ANK3: variants seen among roughly 807,000 people sequenced by gnomAD.
The protein encoded by ANK3 is ankyrin-3.
ANK3 carries 57 observed loss-of-function variants against 370.9 expected under a neutral mutation model. The observed-to-expected ratio is 0.15, with a 90% CI of 0.12 to 0.19. The LOEUF is 0.19. Among genes scored for constraint, ANK3 ranks in the 10% least tolerant of loss-of-function variants. The pLI, the probability that ANK3 is intolerant of heterozygous loss-of-function variation, is 1.00. For missense variants in ANK3, 4,439 were observed against 5,302.1 expected (o/e 0.84, Z 5.06); for synonymous variants, 1,929 against 1,946.3 (o/e 0.99, Z 0.23).
At chr10:60,255,654 T>C (rs572488922) in intron 7 of ANK3, among the ~76,000 whole-genome samples, 2 of 148,962 alleles carry the variant, frequency 1.3e-5, no homozygotes, top group Admixed American at 1.4e-4. Context: ...ATTATGACAT[T>C]GAAGGGAAGG....
chr10:60,695,462 C>A (rs2079432625), intron 1 of ANK3, among the ~76,000 whole-genome samples: 1 of 152,050 alleles, frequency 6.6e-6, no homozygotes, highest in Non-Finnish European at 1.5e-5. Context: ...TTTTCAGCAC[C>A]ACACCACACC....
chr10:60,093,833 G>A lies in ANK3; in HGVS notation c.3329-5475C>T, dbSNP rs74773655. On this transcript the variant is annotated intron_variant, in intron 28 of 43. Transcript: ENST00000280772. The stretch of plus-strand genomic sequence containing the variant: ...AACTATATAAACAGAGAAGCTCCGA[G>A]GAGAAGCGATCAGTACCCTCCACAT... Among the ~76,000 whole-genome samples, 61 of 152,276 alleles carry A rather than the reference G, an allele frequency of 4.0e-4. No homozygotes were observed. The East Asian group carries it at 0.011, about 27-fold the overall frequency.
chr10:60,670,643 G>A (rs1168532117), intron 1 of ANK3, among the ~76,000 whole-genome samples: 1 of 152,072 alleles, frequency 6.6e-6, no homozygotes, highest in Non-Finnish European at 1.5e-5. Flanking sequence ...CCCCTGGAGT[G>A]GCTTCCCGTT....
At chr10:60,347,355 G>C (rs984525615) in intron 1 of ANK3, among the ~76,000 whole-genome samples, 2 of 151,726 alleles carry the variant, frequency 1.3e-5, no homozygotes, top group Non-Finnish European at 2.9e-5. Context: ...AAACTACGTA[G>C]ATAGTAAGGT....
chr10:60,711,011 T>C (rs1295479153), intron 1 of ANK3, among the ~76,000 whole-genome samples: 1 of 152,216 alleles, frequency 6.6e-6, no homozygotes, highest in African/African-American at 2.4e-5. Flanking sequence ...CCAATTTAAA[T>C]GCTAATGTCT....
rs1565258508 is a variant in ANK3 at position 60,139,097 on chromosome 10, T to C, written c.2615-10A>G. 7 of 1,613,028 alleles carry C rather than the reference T, an allele frequency of 4.3e-6. No individual in the cohort carries two copies. The South Asian group carries it at 7.7e-5, about 18-fold the overall frequency. Reference sequence around the variant, plus strand: ...GTCATTGCATCTTCACCTGCAGATGTAGAGAGTAAGCCCACATCAAAAGCT... The same window carrying C: ...GTCATTGCATCTTCACCTGCAGATGCAGAGAGTAAGCCCACATCAAAAGCT... On this transcript the variant is annotated splice_polypyrimidine_tract_variant and intron_variant, in intron 23 of 43. Transcript: ENST00000280772.
chr10:60,138,443 T>C (rs2094442706), intron 24 of ANK3: 2 of 369,624 alleles, frequency 5.4e-6, no homozygotes, highest in East Asian at 3.9e-5. Flanking sequence ...ACATGTCCCT[T>C]GTAAACAAAA....
At chr10:60,114,399 A>G in intron 25 of ANK3, 68 bp from the exon 26 acceptor site, 2 of 783,014 alleles carry the variant, frequency 2.6e-6, no homozygotes, top group Non-Finnish European at 2.0e-6. Flanking sequence ...CTACACATAT[A>G]AAATATATTT....
intron 1 of ANK3, among the ~76,000 whole-genome samples, chr10:60,377,333 A>C (rs1385923207): frequency 6.6e-6 from 1 of 152,256 alleles, no homozygotes; most frequent in Non-Finnish European, 1.5e-5. Context: ...TACTAGAAGA[A>C]AACAAAATGC....
chr10:60,320,542 T>G (rs2048403192), intron 1 of ANK3, among the ~76,000 whole-genome samples: 1 of 152,142 alleles, frequency 6.6e-6, no homozygotes, highest in Admixed American at 6.5e-5. Flanking sequence ...AAGGTTGCAG[T>G]GAGCTGAGAT....
intron 1 of ANK3, among the ~76,000 whole-genome samples, chr10:60,370,360 T>C (rs917833422): frequency 1.3e-5 from 2 of 152,236 alleles, no homozygotes; most frequent in African/African-American, 2.4e-5. Flanking sequence ...AAATGGATTA[T>C]ATTAATCATG....
At chr10:60,633,694 C>G (rs2078514735) in intron 1 of ANK3, among the ~76,000 whole-genome samples, 1 of 152,078 alleles carries the variant, frequency 6.6e-6, no homozygotes, top group Non-Finnish European at 1.5e-5. Context: ...TAAGGGTATT[C>G]CACCTCTTTG....
chr10:60,135,289 C>A (rs1384865115), intron 24 of ANK3, among the ~76,000 whole-genome samples: 1 of 152,198 alleles, frequency 6.6e-6, no homozygotes, highest in Non-Finnish European at 1.5e-5. Flanking sequence ...TGAGGAGCTT[C>A]CACGAGATCA....
intron 14 of ANK3, among the ~76,000 whole-genome samples, chr10:60,197,258 C>G (rs1001711076): frequency 4.6e-5 from 7 of 152,128 alleles, no homozygotes; most frequent in African/African-American, 1.7e-4. Context: ...TGTAGGTGAA[C>G]TGAATAATGA....
chr10:60,126,895 A>G, intron 25 of ANK3, among the ~76,000 whole-genome samples: 1 of 152,194 alleles, frequency 6.6e-6, no homozygotes, highest in East Asian at 1.9e-4. Flanking sequence ...ACCAGGTTTC[A>G]TTACCACCAA....
chr10:60,697,145 C>T (rs982569912), intron 1 of ANK3, among the ~76,000 whole-genome samples: 1 of 151,898 alleles, frequency 6.6e-6, no homozygotes, highest in African/African-American at 2.4e-5. Flanking sequence ...AGTGAACTCC[C>T]ATTCACAGTT....
In ANK3 at chr10:60,074,398, G is replaced by A. The variant is rs3134609; in HGVS notation, c.6483C>T (p.Val2161=). The A allele has an allele frequency of 0.012, 19,661 of 1,614,040 alleles. 194 individuals are homozygous for A. The highest frequency in any genetic ancestry group is 0.015 in the Non-Finnish European group (17,225 of 1,179,972). The change falls in exon 37 of 44, where the codon GTC becomes GTT. Residue 2161 remains valine (V), a synonymous_variant. Coordinates refer to ENST00000280772, the MANE Select transcript of ANK3 (RefSeq NM_020987.5). ...PLFHEVPIPP[V]ITETRTEVVH... is the part of the protein sequence containing the mutation. Reference sequence around the variant, plus strand: ...CCACTTCAGTTCTTGTTTCTGTAATGACAGGAGGGATGGGAACTTCATGAA... The same window carrying A: ...CCACTTCAGTTCTTGTTTCTGTAATAACAGGAGGGATGGGAACTTCATGAA...
upstream of ANK3, among the ~76,000 whole-genome samples, chr10:60,392,496 C>T (rs1226077988): frequency 2.6e-5 from 4 of 152,140 alleles, no homozygotes. Flanking sequence ...AACAACAGTA[C>T]AAGGTCCAGT....
chr10:60,251,402 C>T (rs1165420136), intron 7 of ANK3, among the ~76,000 whole-genome samples: 2 of 152,116 alleles, frequency 1.3e-5, no homozygotes, highest in African/African-American at 4.8e-5. Flanking sequence ...AAGAGATGTT[C>T]AATCCAGCAT....
Sources: gnomAD v4.1 joint callset for allele counts (sites outside exome capture counted in the v4.1 genomes callset) on GRCh38, gnomAD v4.1.1 for gene constraint, MANE v1.5 for transcripts, NCBI Gene and HGNC (gene_info 2026-07-23, HGNC 2026-07-21) for gene names.